Variants in OPCML observed in about 807,000 individuals in gnomAD.
OPCML encodes opioid binding protein/cell adhesion molecule like, also known as opioid-binding protein/cell adhesion molecule.
A neutral mutation model predicts 37.8 loss-of-function variants in OPCML; 13 were observed. The observed-to-expected ratio is 0.34, with a 90% CI of 0.22 to 0.55. The LOEUF is 0.55. Ranked by LOEUF, OPCML falls within the 20% of genes least tolerant of loss-of-function variation. OPCML has a pLI of 0.91. For synonymous variants in OPCML, 176 were observed against 168.8 expected, an observed-to-expected ratio of 1.04 and a Z score of -0.33; for missense variants, 341 against 435.6, an observed-to-expected ratio of 0.78 and a Z score of 1.93.
In OPCML at chr11:132,460,795, T is replaced by C. The variant is rs7951705; in HGVS notation, c.506-23436A>G. On this transcript the variant is annotated intron_variant, in intron 4 of 7. Coordinates refer to ENST00000524381, the MANE Select transcript of OPCML (RefSeq NM_001012393.5). ...TAAGTTTACAAAATATCACATATAC[T>C]ACGTTTAACAAGCCAAAGAAGGGAA... Among the ~76,000 whole-genome samples, 621 of 152,274 alleles carry C rather than the reference T, an allele frequency of 4.1e-3. 4 individuals are homozygous for C. The highest frequency in any genetic ancestry group is 0.014 in the African/African-American group (599 of 41,556).
intron 1 of OPCML, among the ~76,000 whole-genome samples, chr11:133,231,545 T>C: frequency 6.6e-6 from 1 of 152,120 alleles, no homozygotes; most frequent in East Asian, 1.9e-4. Context: ...AATGGCATCA[T>C]CTCCCATCTG....
chr11:133,521,851 G>C (rs894438833), intron 1 of OPCML, among the ~76,000 whole-genome samples: 1 of 152,236 alleles, frequency 6.6e-6, no homozygotes, highest in Non-Finnish European at 1.5e-5. Context: ...GAAGCCAAAG[G>C]CTTCTGTAGG....
intron 1 of OPCML, among the ~76,000 whole-genome samples, chr11:133,194,609 CT>C (rs775287185): frequency 2.6e-5 from 4 of 152,194 alleles, no homozygotes; most frequent in African/African-American, 7.2e-5. Flanking sequence ...CAACTACCCC[CT>C]GATACCAAGC....
At chr11:133,165,388 T>C (rs1708722213) in intron 1 of OPCML, among the ~76,000 whole-genome samples, 1 of 152,076 alleles carries the variant, frequency 6.6e-6, no homozygotes. Flanking sequence ...GCACCTTGGC[T>C]GCAGCAGGAG....
chr11:132,908,286 TCTCA>T (rs1181433980), intron 2 of OPCML, among the ~76,000 whole-genome samples: 4 of 146,908 alleles, frequency 2.7e-5, no homozygotes, highest in Non-Finnish European at 4.4e-5. Context: ...GGTCTCTCTC[TCTCA>T]CACACACACA....
At chr11:132,816,721 C>G (rs1416507296) in intron 2 of OPCML, among the ~76,000 whole-genome samples, 2 of 152,160 alleles carry the variant, frequency 1.3e-5, no homozygotes, top group African/African-American at 4.8e-5. Flanking sequence ...ATTTTCATGA[C>G]TCAAATACAA....
chr11:133,356,371 A>C (rs2136704989), intron 1 of OPCML, among the ~76,000 whole-genome samples: 1 of 152,306 alleles, frequency 6.6e-6, no homozygotes, highest in Non-Finnish European at 1.5e-5. Flanking sequence ...TGTTGCAACA[A>C]GTTTCTATTG....
At chr11:132,533,195 G>A (rs939718205) in intron 3 of OPCML, among the ~76,000 whole-genome samples, 14 of 152,150 alleles carry the variant, frequency 9.2e-5, no homozygotes, top group African/African-American at 3.4e-4. Context: ...CTTCCCTGCT[G>A]GTGCTGCAGG....
intron 1 of OPCML, among the ~76,000 whole-genome samples, chr11:133,502,870 G>T (rs1428012206): frequency 6.6e-6 from 1 of 152,178 alleles, no homozygotes; most frequent in Admixed American, 6.5e-5. Context: ...CCTTCTGGAT[G>T]GGACTGAGGA....
chr11:133,413,374 T>G (rs931098026), intron 1 of OPCML, among the ~76,000 whole-genome samples: 4 of 151,948 alleles, frequency 2.6e-5, no homozygotes, highest in African/African-American at 9.7e-5. Context: ...ATGTACCTAA[T>G]GCTAGATGAC....
intron 2 of OPCML, among the ~76,000 whole-genome samples, chr11:132,796,496 G>A (rs566787220): frequency 1.1e-3 from 169 of 148,752 alleles, no homozygotes; most frequent in East Asian, 4.1e-3. Context: ...CACCACTACC[G>A]GCAGAATAGG....
At chr11:133,509,856 A>C (rs1274467422) in intron 1 of OPCML, among the ~76,000 whole-genome samples, 3 of 152,088 alleles carry the variant, frequency 2.0e-5, no homozygotes, top group Admixed American at 6.6e-5. Flanking sequence ...GTTCTCATTG[A>C]TTACTCTTCC....
At chr11:132,807,400 T>C (rs924193334) in intron 2 of OPCML, among the ~76,000 whole-genome samples, 3 of 152,234 alleles carry the variant, frequency 2.0e-5, no homozygotes, top group Non-Finnish European at 4.4e-5. Context: ...GTTATCCCCA[T>C]GAACTTGACA....
intron 3 of OPCML, among the ~76,000 whole-genome samples, chr11:132,576,221 T>C (rs1023072549): frequency 6.6e-6 from 1 of 151,822 alleles, no homozygotes; most frequent in Non-Finnish European, 1.5e-5. Flanking sequence ...AGTTTTCAGT[T>C]ATTATTTCTT....
At position 132,420,082 on chromosome 11, in the gene OPCML, G is replaced by T; in HGVS notation, c.*111C>A. ...CAAAAACAAAAAGAAAACAAATCTA[G>T]AATAACAGAAAAAAACAAAAAGAAG... On this transcript the variant is annotated 3_prime_UTR_variant, in exon 8 of 8. Coordinates refer to ENST00000524381, the MANE Select transcript of OPCML (RefSeq NM_001012393.5). 1.4e-6 allele frequency: 1 copy of T among 700,116 alleles called. No homozygotes were observed. Among genetic ancestry groups the T allele is most frequent in the Non-Finnish European group, 2.2e-6 (1 of 453,058 alleles). 43.4% of individuals were successfully genotyped at this position (700,116 alleles called of 1,614,324 possible). A position where few individuals can be genotyped will look rare whatever the true frequency, so the allele number is the denominator to read the frequency against.
At chr11:132,448,221 CT>C (rs1247346293) in intron 4 of OPCML, among the ~76,000 whole-genome samples, 1 of 152,190 alleles carries the variant, frequency 6.6e-6, no homozygotes, top group Non-Finnish European at 1.5e-5. Flanking sequence ...TCTTTCTTTC[CT>C]TTTATTTGAT....
chr11:133,238,404 T>G (rs1940604440), intron 1 of OPCML, among the ~76,000 whole-genome samples: 1 of 152,258 alleles, frequency 6.6e-6, no homozygotes, highest in Non-Finnish European at 1.5e-5. Context: ...TAAATTTATG[T>G]TGATTACTTG....
At chr11:132,709,485 T>C (rs980722973) in intron 2 of OPCML, among the ~76,000 whole-genome samples, 28 of 152,176 alleles carry the variant, frequency 1.8e-4, no homozygotes, top group African/African-American at 6.5e-4. Flanking sequence ...CCATCCACCA[T>C]CTCACAGTGC....
chr11:132,980,822 A>G (rs1328885199), intron 1 of OPCML, among the ~76,000 whole-genome samples: 2 of 152,256 alleles, frequency 1.3e-5, no homozygotes, highest in Non-Finnish European at 2.9e-5. Flanking sequence ...CAAAAAGGAA[A>G]GTCCGCTGTG....
Sources: gnomAD v4.1 joint callset for allele counts (sites outside exome capture counted in the v4.1 genomes callset) on GRCh38, gnomAD v4.1.1 for gene constraint, MANE v1.5 for transcripts, NCBI Gene and HGNC (gene_info 2026-07-23, HGNC 2026-07-21) for gene names.